Variants in ENKUR observed in about 807,000 individuals in gnomAD.
ENKUR encodes the protein enkurin.
Under a neutral mutation model 27.6 loss-of-function variants are expected in ENKUR, and 19 were observed. The observed-to-expected ratio is 0.69, with a 90% confidence interval of 0.48 to 1.01. ENKUR has a LOEUF of 1.01. Among genes scored for constraint, ENKUR ranks in the 50% least tolerant of loss-of-function variants. The pLI, the probability that ENKUR is intolerant of heterozygous loss-of-function variation, is 0.00. For missense variants in ENKUR, 312 were observed against 310.5 expected (o/e 1.00, Z -0.04); for synonymous variants, 117 against 96.9 (o/e 1.21, Z -1.22).
In ENKUR at chr10:24,982,552, C is replaced by T. The variant is rs926189676; in HGVS notation, c.*1818G>A. The T allele has an allele frequency of 5.3e-5, 8 of 152,156 alleles. No individual in the cohort carries two copies. The highest frequency in any genetic ancestry group is 9.7e-5 in the African/African-American group (4 of 41,424). 9.4% of individuals were successfully genotyped at this position (152,156 alleles called of 1,614,324 possible). A position where few individuals can be genotyped will look rare whatever the true frequency, so the allele number is the denominator to read the frequency against. ...TCTACTCCCAAGTGACTGCAGTCTCCATGTCTCTTAATTCATGCTCTCAAG... is the reference window on the plus strand; with the variant it reads ...TCTACTCCCAAGTGACTGCAGTCTCTATGTCTCTTAATTCATGCTCTCAAG... On this transcript the variant is annotated 3_prime_UTR_variant, in exon 6 of 6. Transcript: ENST00000331161.
intron 4 of ENKUR, among the ~76,000 whole-genome samples, chr10:24,990,061 C>T (rs1193643458): frequency 6.6e-6 from 1 of 152,056 alleles, no homozygotes; most frequent in Non-Finnish European, 1.5e-5. Context: ...GTTTTAAGGA[C>T]AGTTTCAATT....
chr10:24,991,082 G>C (rs1437079877), intron 3 of ENKUR, among the ~76,000 whole-genome samples: 2 of 152,164 alleles, frequency 1.3e-5, no homozygotes, highest in Non-Finnish European at 2.9e-5. Flanking sequence ...GGGTGTCAGA[G>C]TGTGACTCCA....
chr10:25,013,650 A>G (rs1028360385), intron 1 of ENKUR, among the ~76,000 whole-genome samples: 3 of 152,252 alleles, frequency 2.0e-5, no homozygotes, highest in African/African-American at 7.2e-5. Flanking sequence ...AGACATCAAT[A>G]AAGGGTGATA....
intron 2 of ENKUR, among the ~76,000 whole-genome samples, chr10:25,055,672 G>A (rs11014364): frequency 2.6e-5 from 4 of 151,824 alleles, no homozygotes; most frequent in East Asian, 1.9e-4. Flanking sequence ...AATTATCTTC[G>A]ATTTTTAAAA....
At chr10:25,003,186 ATTT>A (rs1850233756) in intron 1 of ENKUR, among the ~76,000 whole-genome samples, 1 of 149,502 alleles carries the variant, frequency 6.7e-6, no homozygotes, top group African/African-American at 2.4e-5. Flanking sequence ...TAATTAATTT[ATTT>A]ATTTATTCAT....
rs529003416 is a variant in ENKUR at position 25,031,872 on chromosome 10, C to T, written c.37+29240G>A. ...CTTTTCCTGTAGAGATGGGATTTTG[C>T]TATGTTGCCTAGACTGGGCTTGAGC... On this transcript the variant is annotated intron_variant, in intron 2 of 5. Transcript: ENST00000615958. Among the ~76,000 whole-genome samples the T allele has an allele frequency of 2.7e-5, 4 of 145,544 alleles. No individual in the cohort carries two copies. In the Admixed American group the frequency reaches 2.8e-4, roughly 10 times the overall value.
intron 4 of ENKUR, among the ~76,000 whole-genome samples, chr10:24,988,688 A>G (rs867738571): frequency 0.012 from 363 of 29,146 alleles, 21 homozygotes; most frequent in African/African-American, 0.065. Flanking sequence ...ATATATATAT[A>G]TATATATATA....
At chr10:25,014,396 C>T (rs2132727197) in intron 1 of ENKUR, among the ~76,000 whole-genome samples, 1 of 151,872 alleles carries the variant, frequency 6.6e-6, no homozygotes, top group Admixed American at 6.6e-5. Context: ...ATAGTAAAAC[C>T]AAGAAGTCTG....
chr10:25,020,005 G>A (rs889627819), upstream of ENKUR, among the ~76,000 whole-genome samples: 3 of 152,064 alleles, frequency 2.0e-5, no homozygotes, highest in Admixed American at 2.0e-4. Context: ...AAATGAGGAT[G>A]TCTTTTCCTC....
chr10:25,029,854 TCTGGCAATACTTTGATCAG>T, intron 2 of ENKUR, among the ~76,000 whole-genome samples: 1 of 152,346 alleles, frequency 6.6e-6, no homozygotes, highest in East Asian at 1.9e-4. Flanking sequence ...ATAACTGATA[TCTGGCAATACTTTGATCAG>T]CTGGCAATAT....
chr10:25,041,930 A>AT (rs146718256), intron 2 of ENKUR, among the ~76,000 whole-genome samples: 1,889 of 152,334 alleles, frequency 0.012, 18 homozygotes, highest in Middle Eastern at 0.027. Context: ...GAAACTTGTG[A>AT]TCCCGAATTG....
rs776547470 is a variant in ENKUR, at chr10:25,023,403, G to T, written c.38-27534C>A. 6.8e-6 allele frequency: 11 copies of T among 1,614,038 alleles called. No homozygotes were observed. The East Asian group carries it at 2.2e-4, about 33-fold the overall frequency. ...TTGTTGGAGACAAAAATATTATCCTGATGGGACCTCCTGGTGCTGGGAAAA... is the reference window on the plus strand; with the variant it reads ...TTGTTGGAGACAAAAATATTATCCTTATGGGACCTCCTGGTGCTGGGAAAA... On this transcript the variant is annotated intron_variant, in intron 2 of 5. Transcript: ENST00000615958.
intron 2 of ENKUR, chr10:25,025,505 A>G (rs776717071): frequency 1.1e-5 from 16 of 1,508,512 alleles, no homozygotes; most frequent in Non-Finnish European, 1.3e-5. Flanking sequence ...GCAATAATAA[A>G]TCTCAAACAC....
chr10:24,998,435 C>T (rs1331913292), intron 2 of ENKUR, among the ~76,000 whole-genome samples: 1 of 146,514 alleles, frequency 6.8e-6, no homozygotes, highest in African/African-American at 2.5e-5. Context: ...AAGGCTGTGG[C>T]TTGATCATAG....
At chr10:25,054,709 G>A (rs1354144727) in intron 2 of ENKUR, among the ~76,000 whole-genome samples, 4 of 148,392 alleles carry the variant, frequency 2.7e-5, no homozygotes, top group Non-Finnish European at 5.9e-5. Flanking sequence ...CTGAGACAGG[G>A]TCTCACTCTG....
chr10:25,023,298 G>A (rs759204920), intron 2 of ENKUR: 8 of 1,614,028 alleles, frequency 5.0e-6, no homozygotes, highest in African/African-American at 1.3e-5. Context: ...ATGTTAAAAC[G>A]GATAAACATG....
intron 1 of ENKUR, among the ~76,000 whole-genome samples, chr10:25,007,576 A>C (rs1320320309): frequency 6.6e-6 from 1 of 152,116 alleles, no homozygotes; most frequent in Non-Finnish European, 1.5e-5. Flanking sequence ...CTGGGACTAC[A>C]GGCGCCCGCC....
intron 2 of ENKUR, among the ~76,000 whole-genome samples, chr10:25,036,011 G>A (rs1379277126): frequency 1.3e-5 from 2 of 152,164 alleles, no homozygotes; most frequent in Non-Finnish European, 2.9e-5. Context: ...CCTTAGATAA[G>A]TAATTCAACT....
At chr10:24,999,952 C>T (rs1850151060) in intron 1 of ENKUR, among the ~76,000 whole-genome samples, 2 of 152,072 alleles carry the variant, frequency 1.3e-5, no homozygotes, top group African/African-American at 4.8e-5. Flanking sequence ...TTCATGTTTT[C>T]CATTTCAATG....
Sources: gnomAD v4.1 joint callset for allele counts (sites outside exome capture counted in the v4.1 genomes callset) on GRCh38, gnomAD v4.1.1 for gene constraint, MANE v1.5 for transcripts, NCBI Gene and HGNC (gene_info 2026-07-23, HGNC 2026-07-21) for gene names.